Variants in KCNQ3 observed in about 807,000 individuals in gnomAD.
KCNQ3 encodes the protein potassium voltage-gated channel subfamily Q member 3.
A neutral mutation model predicts 92.5 loss-of-function variants in KCNQ3; 30 were observed. The ratio of observed to expected loss-of-function variants is 0.32; its 90% CI spans 0.24 to 0.44. The LOEUF is 0.44. KCNQ3 is among the 20% of genes least tolerant of loss of function. The pLI, the probability that KCNQ3 is intolerant of heterozygous loss-of-function variation, is 1.00. For missense variants in KCNQ3, 913 were observed against 1,140.3 expected, an observed-to-expected ratio of 0.80 and a Z score of 2.87; for synonymous variants, 450 against 468.8, an observed-to-expected ratio of 0.96 and a Z score of 0.52.
intron 1 of KCNQ3, among the ~76,000 whole-genome samples, chr8:132,187,369 G>A (rs1191102522): frequency 3.3e-5 from 5 of 152,138 alleles, no homozygotes; most frequent in African/African-American, 1.2e-4. Flanking sequence ...GATGTAAGGC[G>A]GATGGAAATG....
At chr8:132,322,698 T>G (rs17599131) in intron 1 of KCNQ3, among the ~76,000 whole-genome samples, 1 of 152,016 alleles carries the variant, frequency 6.6e-6, no homozygotes, top group Non-Finnish European at 1.5e-5. Flanking sequence ...GCCTCTATAC[T>G]CACTTGCTCA....
intron 1 of KCNQ3, among the ~76,000 whole-genome samples, chr8:132,285,850 G>T (rs141562052): frequency 1.2e-4 from 18 of 152,276 alleles, no homozygotes; most frequent in Non-Finnish European, 2.1e-4. Context: ...CTGGCTGACT[G>T]CCCAGGCTAC....
intron 1 of KCNQ3, among the ~76,000 whole-genome samples, chr8:132,191,259 A>G (rs1827146891): frequency 6.6e-6 from 1 of 152,118 alleles, no homozygotes; most frequent in Non-Finnish European, 1.5e-5. Flanking sequence ...TGATCCTCCC[A>G]TCTGTAGTAG....
In KCNQ3 at chr8:132,456,449, G is replaced by A. The variant is rs142868286; in HGVS notation, c.386+23698C>T. Among the ~76,000 whole-genome samples the A allele has an allele frequency of 9.8e-3, 1,280 of 130,666 alleles. 6 individuals carry two copies. The highest frequency in any genetic ancestry group is 0.015 in the Middle Eastern group (4 of 266). The allele number at this position is 130,666 out of a possible 152,430, so 85.7% of individuals were successfully genotyped here. On this transcript the variant is annotated intron_variant, in intron 1 of 14. Transcript: ENST00000388996. ...CACTAATTAATGTTCCAAACACCAG[G>A]GCTCGGGGATTGAGGGTGTGTGTGT...
At chr8:132,303,291 C>A (rs1817280976) in intron 1 of KCNQ3, among the ~76,000 whole-genome samples, 8 of 151,834 alleles carry the variant, frequency 5.3e-5, no homozygotes, top group Admixed American at 5.3e-4. Context: ...CTATGTGTCT[C>A]CCACAGTGAC....
chr8:132,303,264 C>G (rs991163053), intron 1 of KCNQ3, among the ~76,000 whole-genome samples: 1 of 151,982 alleles, frequency 6.6e-6, no homozygotes, highest in African/African-American at 2.4e-5. Context: ...ATTTGCAAAT[C>G]TTTTTCTTTG....
chr8:132,327,004 A>G (rs139424787), intron 1 of KCNQ3, among the ~76,000 whole-genome samples: 16 of 152,294 alleles, frequency 1.1e-4, no homozygotes, highest in African/African-American at 3.8e-4. Flanking sequence ...TTTACTGCTC[A>G]TGTGTTAACC....
chr8:132,180,157 T>C lies in KCNQ3; in HGVS notation c.777A>G (p.Lys259=), dbSNP rs565965038. The change falls in exon 4 of 15, where the codon AAA becomes AAG. Residue 259 remains lysine, a splice_region_variant and synonymous_variant. Coordinates refer to ENST00000388996, the MANE Select transcript of KCNQ3 (RefSeq NM_004519.4). ...LLGSAICAHS[K]ELITAWYIGF... ...CCTGCAGTTTCTCCACCACACTTAC[T>C]TTGCTGTGGGCACAGATGGCTGAGC... The C allele has an allele frequency of 1.2e-5, 19 of 1,614,096 alleles. No individual in the cohort carries two copies. The African/African-American group carries it at 1.9e-4, about 16-fold the overall frequency.
chr8:132,386,688 A>G (rs1366285063), intron 1 of KCNQ3, among the ~76,000 whole-genome samples: 1 of 152,194 alleles, frequency 6.6e-6, no homozygotes, highest in East Asian at 1.9e-4. Flanking sequence ...ACAGATATCA[A>G]ACTGGATCAA....
At chr8:132,440,829 T>C (rs1821518839) in intron 1 of KCNQ3, among the ~76,000 whole-genome samples, 1 of 152,120 alleles carries the variant, frequency 6.6e-6, no homozygotes, top group Non-Finnish European at 1.5e-5. Context: ...GCAAAATACA[T>C]AGCCCAGCCC....
At chr8:132,351,836 A>C (rs1189103004) in intron 1 of KCNQ3, among the ~76,000 whole-genome samples, 1 of 152,172 alleles carries the variant, frequency 6.6e-6, no homozygotes, top group Non-Finnish European at 1.5e-5. Context: ...TTTGGGTTCC[A>C]ACAGATGTGA....
rs35942631 is a variant in KCNQ3 at position 132,130,074 on chromosome 8, C to CT, written c.1885-79dup. The CT allele has an allele frequency of 7.8e-4, 813 of 1,039,150 alleles. 3 individuals are homozygous for CT. The highest frequency in any genetic ancestry group is 6.7e-3 in the African/African-American group (371 of 55,646). The allele number at this position is 1,039,150 out of a possible 1,614,324, so 64.4% of individuals were successfully genotyped here. On this transcript the variant is annotated intron_variant, in intron 14 of 14. Transcript: ENST00000388996. ...TTGCTATTGGTTGGGAGGAAATATT[C>CT]TTTTTTTTTGTTTTTTTTTTTTTTT...
At chr8:132,232,464 A>T (rs1814674626) in intron 1 of KCNQ3, among the ~76,000 whole-genome samples, 1 of 152,254 alleles carries the variant, frequency 6.6e-6, no homozygotes, top group Non-Finnish European at 1.5e-5. Flanking sequence ...TTCAGAATCT[A>T]CTATGCTCCT....
chr8:132,170,088 G>C (rs1407608280), intron 8 of KCNQ3, among the ~76,000 whole-genome samples: 1 of 152,062 alleles, frequency 6.6e-6, no homozygotes, highest in Non-Finnish European at 1.5e-5. Flanking sequence ...GGCCAGGCTG[G>C]TATGGAACTC....
intron 1 of KCNQ3, among the ~76,000 whole-genome samples, chr8:132,259,193 T>C (rs375856035): frequency 6.6e-6 from 1 of 151,726 alleles, no homozygotes; most frequent in Admixed American, 6.6e-5. Context: ...CAGATAAAAA[T>C]ATCAGAATAA....
chr8:132,350,741 A>G (rs1818835200), intron 1 of KCNQ3, among the ~76,000 whole-genome samples: 1 of 152,106 alleles, frequency 6.6e-6, no homozygotes, highest in African/African-American at 2.4e-5. Flanking sequence ...TCTTAGACAA[A>G]CACTACCTGG....
intron 9 of KCNQ3, among the ~76,000 whole-genome samples, chr8:132,154,788 A>T (rs1825755499): frequency 6.6e-6 from 1 of 151,950 alleles, no homozygotes; most frequent in Non-Finnish European, 1.5e-5. Flanking sequence ...CTTTTCACCC[A>T]ATATATTTTG....
chr8:132,294,006 T>TTTG (rs1307222979), intron 1 of KCNQ3, among the ~76,000 whole-genome samples: 3 of 146,570 alleles, frequency 2.0e-5, no homozygotes, highest in Non-Finnish European at 4.5e-5. Context: ...TGTGGTTTTT[T>TTTG]TTTTTTTTTT....
rs147256946 is a variant in KCNQ3 at position 132,292,368 on chromosome 8, T to G, written c.387-106187A>C. ...CTTAGGAGTATGAGGTAAACATTAT[T>G]CATCCCCACTGTGCAAATGAGGAAA... On this transcript the variant is annotated intron_variant, in intron 1 of 14. Coordinates refer to ENST00000388996, the MANE Select transcript of KCNQ3 (RefSeq NM_004519.4). Among the ~76,000 whole-genome samples the G allele has an allele frequency of 9.7e-3, 1,474 of 152,336 alleles. 12 individuals are homozygous for G. The highest frequency in any genetic ancestry group is 0.015 in the Non-Finnish European group (1,013 of 68,020).
Sources: allele counts gnomAD v4.1 joint callset (sites outside exome capture counted in the v4.1 genomes callset), GRCh38; gene constraint gnomAD v4.1.1; transcripts MANE v1.5; gene names NCBI Gene and HGNC (gene_info 2026-07-23, HGNC 2026-07-21).